Variants in RAD9B observed in about 807,000 individuals in gnomAD.
RAD9B encodes the protein cell cycle checkpoint control protein RAD9B.
In RAD9B, 41 loss-of-function variants were observed where a neutral mutation model predicts 48.3. That is an observed-to-expected ratio of 0.85 (90% CI 0.66 to 1.10). RAD9B has a LOEUF of 1.10. Among genes scored for constraint, RAD9B ranks in the 50% least tolerant of loss-of-function variants. The pLI is 0.00. For synonymous variants in RAD9B, 160 were observed against 157.9 expected, an observed-to-expected ratio of 1.01 and a Z score of -0.10; for missense variants, 444 against 485.1, an observed-to-expected ratio of 0.92 and a Z score of 0.80.
chr12:110,505,429 T>C (rs2063233449), intron 2 of RAD9B, among the ~76,000 whole-genome samples, 188 bp from the exon 3 acceptor site: 1 of 152,150 alleles, frequency 6.6e-6, no homozygotes, highest in Non-Finnish European at 1.5e-5. Context: ...TAAAGAAAGT[T>C]TATTTTCTCC....
intron 2 of RAD9B, among the ~76,000 whole-genome samples, chr12:110,504,627 G>C (rs947701710): frequency 6.6e-6 from 1 of 152,068 alleles, no homozygotes; most frequent in Non-Finnish European, 1.5e-5. Context: ...CAAGGTGTGA[G>C]ACCGCCAATA....
At chr12:110,506,891 G>T (rs1306237316) in intron 4 of RAD9B, among the ~76,000 whole-genome samples, 198 bp downstream of exon 4, 1 of 151,364 alleles carries the variant, frequency 6.6e-6, no homozygotes, top group Non-Finnish European at 1.5e-5. Flanking sequence ...CAAGGCTGGA[G>T]TGCAATGCCG....
chr12:110,522,172 C>G lies in RAD9B; in HGVS notation c.891-5C>G. The G allele has an allele frequency of 1.3e-6, 2 of 1,556,548 alleles. No individual in the cohort carries two copies. The highest frequency in any genetic ancestry group is 1.7e-6 in the Non-Finnish European group (2 of 1,146,658). On this transcript the variant is annotated splice_polypyrimidine_tract_variant and splice_region_variant and intron_variant, in intron 9 of 10. Transcript: ENST00000409300. ...TCATTCATTTAATGCCTATTAATAC[C>G]TCAGGTCAGATCTGATTGAAAAAAA...
Position 110,506,672 on chromosome 12 carries a change from A to G in RAD9B, c.367A>G (p.Ile123Val). Reference protein sequence around the residue: ...FTRSDKCKVVIQFFYRHGIKR... With the variant: ...FTRSDKCKVVVQFFYRHGIKR... ...CAGATCTGATAAATGCAAAGTAGTT[A>G]TTCAATTCTTCTACAGACATGGTAG... The change falls in exon 4 of 11, where the codon ATT (isoleucine) becomes GTT (valine). Residue 123 changes from isoleucine (I) to valine (V), a missense_variant. Ile to Val is a conservative substitution (Grantham distance 29). Transcript: ENST00000409300. The G allele has an allele frequency of 6.4e-7, 1 of 1,550,430 alleles. No individual in the cohort carries two copies. The highest frequency in any genetic ancestry group is 8.9e-7 in the Non-Finnish European group (1 of 1,123,254).
intron 6 of RAD9B, among the ~76,000 whole-genome samples, chr12:110,518,320 G>A (rs1401036198): frequency 6.6e-6 from 1 of 152,100 alleles, no homozygotes; most frequent in Non-Finnish European, 1.5e-5. Flanking sequence ...CTGTGATCAT[G>A]CCACTGCACT....
intron 4 of RAD9B, among the ~76,000 whole-genome samples, chr12:110,508,523 CAAAT>C (rs1270037318): frequency 4.6e-5 from 7 of 152,068 alleles, no homozygotes; most frequent in Non-Finnish European, 7.4e-5. Context: ...TTACAAGTAA[CAAAT>C]AAAAACAGAC....
intron 1 of RAD9B, chr12:110,503,350 T>G (rs2063153413): frequency 6.3e-6 from 1 of 159,026 alleles, no homozygotes; most frequent in African/African-American, 2.4e-5. Flanking sequence ...CTGGCTGCCC[T>G]CAAACATCAG....
intron 10 of RAD9B, among the ~76,000 whole-genome samples, chr12:110,529,089 C>T (rs776641013): frequency 6.6e-6 from 1 of 151,618 alleles, no homozygotes; most frequent in South Asian, 2.1e-4. Flanking sequence ...TGGGTGTAGA[C>T]AGCTCTACAA....
chr12:110,505,564 T>C (rs2063238435), intron 2 of RAD9B, 53 bp from the exon 3 acceptor site: 5 of 1,454,974 alleles, frequency 3.4e-6, no homozygotes, highest in Non-Finnish European at 4.6e-6. Context: ...TACAGGTTCA[T>C]GGGAGCCACC....
Position 110,530,884 on chromosome 12 carries a change from T to C in RAD9B, c.*231T>C. On this transcript the variant is annotated 3_prime_UTR_variant, in exon 11 of 11. Coordinates refer to ENST00000409300, the MANE Select transcript of RAD9B (RefSeq NM_001286535.2). Reference sequence around the variant, plus strand: ...ATGCTACTTGTGAGGCAGAAGAGTTTTCTGTGAAGGAAAAAAGCCCATTAG... The same window carrying C: ...ATGCTACTTGTGAGGCAGAAGAGTTCTCTGTGAAGGAAAAAAGCCCATTAG... 8.0e-7 allele frequency: 1 copy of C among 1,256,178 alleles called. No homozygotes were observed. The highest frequency in any genetic ancestry group is 1.0e-6 in the Non-Finnish European group (1 of 995,344). 77.8% of individuals were successfully genotyped at this position (1,256,178 alleles called of 1,614,324 possible).
In RAD9B at chr12:110,531,683, G is replaced by C; in HGVS notation, c.*1030G>C. On this transcript the variant is annotated 3_prime_UTR_variant, in exon 11 of 11. Coordinates refer to ENST00000409300, the MANE Select transcript of RAD9B (RefSeq NM_001286535.2). ...CAGCCTGAGTTTGGAGTGGAATAAG[G>C]TGGAAGACAAATGTCTCTGTTCTTT... The C allele has an allele frequency of 6.4e-7, 1 of 1,561,346 alleles. No homozygotes were observed. The highest frequency in any genetic ancestry group is 8.7e-7 in the Non-Finnish European group (1 of 1,143,588).
intron 5 of RAD9B, among the ~76,000 whole-genome samples, chr12:110,513,170 G>A (rs375506421): frequency 4.5e-4 from 68 of 151,900 alleles, no homozygotes; most frequent in African/African-American, 1.5e-3. Flanking sequence ...GGGTTTTACC[G>A]TGTTAGCCAG....
rs1383594285 is a variant in RAD9B at position 110,515,095 on chromosome 12, A to G, written c.534A>G (p.Glu178=). The change falls in exon 6 of 11, where the codon GAA becomes GAG. Residue 178 remains glutamate (E), a synonymous_variant. Coordinates refer to ENST00000409300, the MANE Select transcript of RAD9B (RefSeq NM_001286535.2). ...AIVLFTSSQE[E]VTLAVTPLNF... is the part of the protein sequence containing the mutation. Reference sequence around the variant, plus strand: ...TTCTTTTTACATCAAGTCAAGAGGAAGTTACTCTTGCTGTTACTCCACTGA... The same window carrying G: ...TTCTTTTTACATCAAGTCAAGAGGAGGTTACTCTTGCTGTTACTCCACTGA... 6.4e-7 allele frequency: 1 copy of G among 1,557,136 alleles called. No homozygotes were observed. Among genetic ancestry groups the G allele is most frequent in the Non-Finnish European group, 8.7e-7 (1 of 1,148,864 alleles).
chr12:110,515,113 T>G lies in RAD9B; in HGVS notation c.552T>G (p.Thr184=). 1 of 1,556,304 alleles carries G rather than the reference T, an allele frequency of 6.4e-7. No homozygotes were observed. The highest frequency in any genetic ancestry group is 1.2e-5 in the South Asian group (1 of 84,414). ...AAGAGGAAGTTACTCTTGCTGTTAC[T>G]CCACTGAATTTTTGCCTCAAGAGTT... ...SSQEEVTLAV[T]PLNFCLKSSN... The change falls in exon 6 of 11, where the codon ACT becomes ACG. Residue 184 remains threonine (T), a synonymous_variant. Coordinates refer to ENST00000409300, the MANE Select transcript of RAD9B (RefSeq NM_001286535.2).
intron 3 of RAD9B, among the ~76,000 whole-genome samples, chr12:110,506,243 C>T (rs1424406804): frequency 4.7e-5 from 7 of 148,832 alleles, no homozygotes; most frequent in African/African-American, 2.5e-5. Flanking sequence ...GGCTGGAGTG[C>T]GGTGGCACAA....
intron 9 of RAD9B, 49 bp downstream of exon 9, chr12:110,519,965 T>A: frequency 6.4e-7 from 1 of 1,569,348 alleles, no homozygotes; most frequent in Non-Finnish European, 8.6e-7. Flanking sequence ...GCCATCATAA[T>A]CTTATTTTGA....
At chr12:110,506,724 T>C in intron 4 of RAD9B, 31 bp downstream of exon 4, 1 of 1,047,076 alleles carries the variant, frequency 9.6e-7, no homozygotes, top group Non-Finnish European at 1.5e-6. Context: ...TTTAAAATAC[T>C]ATGTTTTTTT....
In RAD9B at chr12:110,507,481, AATATAATACATAAT is replaced by A. The variant is rs2063324732; in HGVS notation, c.388+793_388+806del. ...TATTAAGTATAATATATATGTATTA[AATATAATACATAAT>A]ATATGTATTAAATATAATACATAAT... On this transcript the variant is annotated intron_variant, in intron 4 of 10. Coordinates refer to ENST00000409300, the MANE Select transcript of RAD9B (RefSeq NM_001286535.2). Among the ~76,000 whole-genome samples, 4 of 12,124 alleles carry A rather than the reference AATATAATACATAAT, an allele frequency of 3.3e-4. 1 individual carries two copies. Among genetic ancestry groups the A allele is most frequent in the African/African-American group, 1.5e-3 (4 of 2,642 alleles). The allele number at this position is 12,124 out of a possible 152,430, so 8.0% of individuals were successfully genotyped here.
chr12:110,516,820 A>G (rs2063613265), intron 6 of RAD9B, among the ~76,000 whole-genome samples: 1 of 151,978 alleles, frequency 6.6e-6, no homozygotes, highest in South Asian at 2.1e-4. Context: ...TAAAATAATA[A>G]TAATAATAAA....
Sources: allele counts gnomAD v4.1 joint callset (sites outside exome capture counted in the v4.1 genomes callset), GRCh38; gene constraint gnomAD v4.1.1; transcripts MANE v1.5; gene names NCBI Gene and HGNC (gene_info 2026-07-23, HGNC 2026-07-21).